Variants in GPBP1 observed in about 807,000 individuals in gnomAD.
GPBP1 encodes GC-rich promoter binding protein 1.
In GPBP1, 13 loss-of-function variants were observed where a neutral mutation model predicts 56.5. The observed-to-expected ratio is 0.23, with a 90% CI of 0.15 to 0.37. The LOEUF is 0.37. Among genes scored for constraint, GPBP1 ranks in the 10% least tolerant of loss-of-function variants. The pLI is 1.00. For synonymous variants in GPBP1, 204 were observed against 188.9 expected, an observed-to-expected ratio of 1.08 and a Z score of -0.66; for missense variants, 477 against 572.3, an observed-to-expected ratio of 0.83 and a Z score of 1.70.
intron 10 of GPBP1, 103 bp downstream of exon 10, chr5:57,251,244 C>T (rs187752167): frequency 1.0e-4 from 99 of 978,244 alleles, no homozygotes; most frequent in Admixed American, 8.7e-4. Context: ...ATACAACTTA[C>T]GCCATAAATT....
At position 57,251,517 on chromosome 5, in the gene GPBP1, C is replaced by T. The variant is rs116114926; in HGVS notation, c.1160+376C>T. On this transcript the variant is annotated intron_variant, in intron 10 of 11. Transcript: ENST00000506184. ...TTCCTTTTTATTGCTGAATAGTACA[C>T]TATATGACTATACTGCTTTTTTGTT... Among the ~76,000 whole-genome samples the T allele has an allele frequency of 4.5e-3, 680 of 150,316 alleles. 7 individuals are homozygous for T. Among genetic ancestry groups the T allele is most frequent in the African/African-American group, 0.016 (659 of 41,026 alleles).
Position 57,175,697 on chromosome 5 carries a change from A to G in GPBP1, c.-761A>G, listed in dbSNP as rs1410063136. On this transcript the variant is annotated 5_prime_UTR_variant, in exon 2 of 12. Coordinates refer to ENST00000506184, the MANE Select transcript of GPBP1 (RefSeq NM_022913.4). The stretch of plus-strand genomic sequence containing the variant: ...AACGGATTATATAACTGGTTACAGT[A>G]TTTCAGCTGGTGGTAATTTTTGCCT... 4 of 396,490 alleles carry G rather than the reference A, an allele frequency of 1.0e-5. No individual in the cohort carries two copies. Among genetic ancestry groups the G allele is most frequent in the South Asian group, 1.4e-4 (1 of 7,002 alleles). 24.6% of individuals were successfully genotyped at this position (396,490 alleles called of 1,614,324 possible).
At chr5:57,211,862 G>A (rs1029007309) in intron 2 of GPBP1, among the ~76,000 whole-genome samples, 7 of 151,898 alleles carry the variant, frequency 4.6e-5, no homozygotes, top group Admixed American at 1.3e-4. Flanking sequence ...GTGAGCCGTC[G>A]TGCTCGGCCA....
chr5:57,202,687 T>C (rs961670648), intron 2 of GPBP1, among the ~76,000 whole-genome samples: 1 of 152,232 alleles, frequency 6.6e-6, no homozygotes. Flanking sequence ...TCTACACTTC[T>C]AAGAGGATTT....
intron 9 of GPBP1, among the ~76,000 whole-genome samples, 184 bp downstream of exon 9, chr5:57,249,760 TC>T (rs1741272775): frequency 1.3e-4 from 5 of 38,410 alleles, no homozygotes; most frequent in East Asian, 8.8e-4. Context: ...CCCTTCCCCC[TC>T]CCCCTTCCCC....
Position 57,230,835 on chromosome 5 carries a change from ATTTG to A in GPBP1, c.64-7_64-4del. On this transcript the variant is annotated splice_region_variant and splice_polypyrimidine_tract_variant and intron_variant, in intron 3 of 11. Transcript: ENST00000506184. ...TTTCATAAATACCTGTATTTTTATA[ATTTG>A]TTTCAGTCGTCATTGAATTTTGAGA... The A allele has an allele frequency of 1.3e-6, 2 of 1,594,546 alleles. No homozygotes were observed. The highest frequency in any genetic ancestry group is 1.7e-6 in the Non-Finnish European group (2 of 1,170,756).
At position 57,216,611 on chromosome 5, in the gene GPBP1, G is replaced by T. The variant is rs908568403; in HGVS notation, c.63+2418G>T. Among the ~76,000 whole-genome samples, 4 of 152,136 alleles carry T rather than the reference G, an allele frequency of 2.6e-5. No individual in the cohort carries two copies. In the East Asian group the frequency reaches 7.7e-4, roughly 29 times the overall value. The stretch of plus-strand genomic sequence containing the variant: ...GGTGGCATGAGAATCACTTGAACCC[G>T]GGAGGTAGAGGTTGCAGGGAGCCGA... On this transcript the variant is annotated intron_variant, in intron 3 of 11. Coordinates refer to ENST00000506184, the MANE Select transcript of GPBP1 (RefSeq NM_022913.4).
chr5:57,235,062 T>C (rs1756607021), intron 5 of GPBP1, among the ~76,000 whole-genome samples: 1 of 152,082 alleles, frequency 6.6e-6, no homozygotes, highest in Non-Finnish European at 1.5e-5. Context: ...ATCCCAGCAC[T>C]TTGGGAGGCA....
intron 10 of GPBP1, 48 bp from the exon 11 acceptor site, chr5:57,261,132 C>G (rs1034526682): frequency 8.9e-7 from 1 of 1,119,134 alleles, no homozygotes; most frequent in Admixed American, 1.7e-5. Flanking sequence ...TGATACTGTC[C>G]TACTCAGGGT....
At chr5:57,221,324 T>C in intron 3 of GPBP1, 1 of 1,297,414 alleles carries the variant, frequency 7.7e-7, no homozygotes, top group Non-Finnish European at 1.0e-6. Context: ...CTAGTTTTTT[T>C]AAATTCCATT....
intron 1 of GPBP1, among the ~76,000 whole-genome samples, chr5:57,175,112 G>T (rs73757313): frequency 0.019 from 2,967 of 152,298 alleles, 75 homozygotes; most frequent in African/African-American, 0.067. Flanking sequence ...GTAAGATTAT[G>T]TGTCAATTTC....
Position 57,244,802 on chromosome 5 carries a change from CG to C in GPBP1, c.479-1496del, listed in dbSNP as rs372668875. Among the ~76,000 whole-genome samples the C allele has an allele frequency of 2.4e-4, 33 of 135,116 alleles. No individual in the cohort carries two copies. In the East Asian group the frequency reaches 3.5e-3, roughly 14 times the overall value. 88.6% of individuals were successfully genotyped at this position (135,116 alleles called of 152,430 possible). A position where few individuals can be genotyped will look rare whatever the true frequency, so the allele number is the denominator to read the frequency against. On this transcript the variant is annotated intron_variant, in intron 6 of 11. Transcript: ENST00000506184. ...AGGCTGGAGTGCAGTGGCGTGATCT[CG>C]GCTTACTGCAACTTCTGCCTCCCAG...
intron 2 of GPBP1, among the ~76,000 whole-genome samples, chr5:57,195,106 A>C (rs1275917161): frequency 6.6e-6 from 1 of 152,074 alleles, no homozygotes; most frequent in East Asian, 1.9e-4. Flanking sequence ...AAAATTTTCC[A>C]TGTATAAGAT....
At chr5:57,187,869 A>G (rs1254624641) in intron 2 of GPBP1, among the ~76,000 whole-genome samples, 5 of 150,072 alleles carry the variant, frequency 3.3e-5, no homozygotes. Flanking sequence ...TTGAAGGGAC[A>G]GAAGAAGCAG....
rs370318335 is a variant in GPBP1, at chr5:57,250,960, G to A, written c.979G>A (p.Asp327Asn). Residue 327 changes from aspartate to asparagine, a missense_variant, in exon 10 of 12, where the codon GAC becomes AAC. Transcript: ENST00000506184. ...ESRAGSEKDD[D>N]SFNLHNSNST... ...TTAACTCTCTAAAAATCAGGATGAC[G>A]ACTCATTTAATTTACATAACAGCAA... 1.2e-5 allele frequency: 19 copies of A among 1,539,266 alleles called. No individual in the cohort carries two copies. Among genetic ancestry groups the A allele is most frequent in the East Asian group, 4.7e-5 (2 of 42,528 alleles).
intron 2 of GPBP1, among the ~76,000 whole-genome samples, chr5:57,182,962 C>T (rs1156990760): frequency 6.6e-6 from 1 of 152,218 alleles, no homozygotes; most frequent in Non-Finnish European, 1.5e-5. Flanking sequence ...GGATTACAGG[C>T]ATGAGCCACT....
intron 10 of GPBP1, among the ~76,000 whole-genome samples, chr5:57,260,351 C>A (rs976740428): frequency 1.5e-4 from 23 of 152,126 alleles, no homozygotes; most frequent in African/African-American, 5.6e-4. Context: ...TTTGAAATTT[C>A]TTGTTTCCTT....
chr5:57,211,495 T>G (rs1022275547), intron 2 of GPBP1, among the ~76,000 whole-genome samples: 12 of 151,718 alleles, frequency 7.9e-5, no homozygotes, highest in African/African-American at 2.9e-4. Flanking sequence ...GCCCATACTT[T>G]AAGAACTAGA....
chr5:57,245,676 G>A (rs1197419776), intron 6 of GPBP1: 1 of 152,150 alleles, frequency 6.6e-6, no homozygotes, highest in Non-Finnish European at 1.5e-5. Flanking sequence ...TCTGCCTTTA[G>A]CAATTATTCG....
Sources: gnomAD v4.1 joint callset for allele counts (sites outside exome capture counted in the v4.1 genomes callset) on GRCh38, gnomAD v4.1.1 for gene constraint, MANE v1.5 for transcripts, NCBI Gene and HGNC (gene_info 2026-07-23, HGNC 2026-07-21) for gene names.